Variants in AREG observed in about 807,000 individuals in gnomAD.
The protein encoded by AREG is amphiregulin.
AREG carries 16 observed loss-of-function variants against 28.0 expected under a neutral mutation model. The observed-to-expected ratio is 0.57, with a 90% CI of 0.39 to 0.87. The LOEUF is 0.87. AREG is among the 40% of genes least tolerant of loss of function. AREG has a pLI of 0.00. For synonymous variants in AREG, 113 were observed against 113.5 expected, an observed-to-expected ratio of 1.00 and a Z score of 0.02; for missense variants, 287 against 309.1, an observed-to-expected ratio of 0.93 and a Z score of 0.53.
At chr4:74,449,835 G>C (rs1719351987) in intron 3 of AREG, among the ~76,000 whole-genome samples, 1 of 151,548 alleles carries the variant, frequency 6.6e-6, no homozygotes, top group Admixed American at 6.6e-5. Context: ...CAAATGGCTG[G>C]ATTTGATCCA....
In AREG at chr4:74,454,786, C is replaced by G; in HGVS notation, c.*46C>G. On this transcript the variant is annotated 3_prime_UTR_variant, in exon 6 of 6. Transcript: ENST00000395748. ...TATCACATTGGAGTCACTGCCAAGTCATAGCCATAAATGATGAGTCGGTCC... is the reference window on the plus strand; with the variant it reads ...TATCACATTGGAGTCACTGCCAAGTGATAGCCATAAATGATGAGTCGGTCC... The G allele has an allele frequency of 1.4e-6, 1 of 699,196 alleles. No homozygotes were observed. The highest frequency in any genetic ancestry group is 1.7e-5 in the African/African-American group (1 of 57,294). 43.3% of individuals were successfully genotyped at this position (699,196 alleles called of 1,614,324 possible).
Position 74,452,638 on chromosome 4 carries a change from C to T in AREG, c.*1C>T. On this transcript the variant is annotated 3_prime_UTR_variant, in exon 5 of 6. Transcript: ENST00000395748. ...TGGAAATGTACATGCTATAGCATAA[C>T]TGAAGATAAAATTACAGGTTTGAGT... The T allele has an allele frequency of 6.2e-7, 1 of 1,612,934 alleles. No homozygotes were observed. The highest frequency in any genetic ancestry group is 8.5e-7 in the Non-Finnish European group (1 of 1,179,470).
intron 2 of AREG, among the ~76,000 whole-genome samples, chr4:74,447,724 C>G (rs1249196586): frequency 1.3e-5 from 2 of 152,176 alleles, no homozygotes; most frequent in African/African-American, 4.8e-5. Context: ...CCCCTCTTGT[C>G]TGGTTCTCAG....
chr4:74,454,539 A>G (rs1446406377), intron 5 of AREG, among the ~76,000 whole-genome samples: 11 of 152,188 alleles, frequency 7.2e-5, no homozygotes, highest in African/African-American at 2.4e-4. Context: ...CTACTGAACT[A>G]GGTGTATAAT....
In AREG at chr4:74,449,128, G is replaced by A. The variant is rs1560614342; in HGVS notation, c.392G>A (p.Gly131Asp). 1 of 1,611,850 alleles carries A rather than the reference G, an allele frequency of 6.2e-7. No homozygotes were observed. Among genetic ancestry groups the A allele is most frequent in the Non-Finnish European group, 8.5e-7 (1 of 1,179,542 alleles). ...AAACCCAAAAGAAAGAAAAAGGGAG[G>A]CAAAAATGGAAAAAATAGAAGAAAC... ...SDKPKRKKKG[G>D]KNGKNRRNRK... The change falls in exon 3 of 6, where the codon GGC becomes GAC. Residue 131 changes from glycine to aspartate, a missense_variant. Coordinates refer to ENST00000395748, the MANE Select transcript of AREG (RefSeq NM_001657.4).
chr4:74,445,491 A>C, intron 1 of AREG, 85 bp downstream of exon 1: 29 of 1,548,058 alleles, frequency 1.9e-5, no homozygotes, highest in Non-Finnish European at 2.4e-5. Context: ...TTCTCTAAAA[A>C]TCGCCCTTTA....
rs1473005536 is a variant in AREG, at chr4:74,445,282, G to A, written c.-64G>A. ...TCTTCCAACACCCGCTCGTTTTGGC[G>A]GCAGCTCGTGTCCCAGAGACCGAGT... On this transcript the variant is annotated 5_prime_UTR_variant, in exon 1 of 6. Transcript: ENST00000395748. The A allele has an allele frequency of 4.4e-6, 7 of 1,579,572 alleles. No homozygotes were observed. Among genetic ancestry groups the A allele is most frequent in the South Asian group, 1.2e-5 (1 of 86,492 alleles).
chr4:74,454,921 A>G lies in AREG; in HGVS notation c.*181A>G. ...TATATAAAGGTGCACGAAGGTAAAA[A>G]GTATTTTTTCAAGTTGTAAATAATT... is the stretch of plus-strand genomic sequence containing the variant. On this transcript the variant is annotated 3_prime_UTR_variant, in exon 6 of 6. Coordinates refer to ENST00000395748, the MANE Select transcript of AREG (RefSeq NM_001657.4). The G allele has an allele frequency of 4.5e-6, 3 of 662,898 alleles. No homozygotes were observed. The South Asian group carries it at 5.2e-5, about 11-fold the overall frequency. The allele number at this position is 662,898 out of a possible 1,614,324, so 41.1% of individuals were successfully genotyped here.
intron 4 of AREG, among the ~76,000 whole-genome samples, chr4:74,450,984 G>A (rs965485029): frequency 2.6e-5 from 4 of 152,120 alleles, no homozygotes; most frequent in Admixed American, 2.0e-4. Flanking sequence ...GTAAAGAATA[G>A]ATATGTTTTC....
chr4:74,450,592 A>G (rs1719366027), intron 4 of AREG, 60 bp downstream of exon 4: 3 of 1,598,136 alleles, frequency 1.9e-6, no homozygotes, highest in Admixed American at 3.4e-5. Flanking sequence ...TTTTTTCAGT[A>G]TTTCTCTCAT....
At chr4:74,452,745 T>C in intron 5 of AREG, 90 bp downstream of exon 5, 1 of 1,149,960 alleles carries the variant, frequency 8.7e-7, no homozygotes, top group Non-Finnish European at 1.2e-6. Context: ...TGGAATGTGT[T>C]CTTAATTATA....
chr4:74,448,518 G>A (rs1414776928), intron 2 of AREG: 1 of 153,558 alleles, frequency 6.5e-6, no homozygotes, highest in Non-Finnish European at 1.4e-5. Flanking sequence ...AGACATTAGT[G>A]TAACAAAATG....
chr4:74,446,582 G>A lies in AREG; in HGVS notation c.110G>A (p.Arg37His), dbSNP rs1719291951. ...CTCAATGACACCTACTCTGGGAAGC[G>A]TGAACCATTTTCTGGGGACCACAGT... ...LDLNDTYSGK[R>H]EPFSGDHSAD... Residue 37 changes from arginine (R) to histidine (H), a missense_variant, in exon 2 of 6, where the codon CGT becomes CAT. Transcript: ENST00000395748. The A allele has an allele frequency of 1.5e-5, 25 of 1,613,784 alleles. No individual in the cohort carries two copies. Among genetic ancestry groups the A allele is most frequent in the Non-Finnish European group, 1.9e-5 (22 of 1,179,864 alleles).
intron 2 of AREG, 192 bp from the exon 3 acceptor site, chr4:74,448,855 T>G: frequency 1.3e-6 from 1 of 781,690 alleles, no homozygotes; most frequent in Non-Finnish European, 1.9e-6. Flanking sequence ...GGACACTACT[T>G]TCAGGTAGAA....
intron 4 of AREG, 81 bp from the exon 5 acceptor site, chr4:74,452,462 AC>A: frequency 2.0e-6 from 3 of 1,528,208 alleles, no homozygotes; most frequent in Non-Finnish European, 1.8e-6. Flanking sequence ...ATGAAGTGGA[AC>A]CCCCTCTACT....
At chr4:74,450,142 A>G (rs2110412138) in intron 3 of AREG, among the ~76,000 whole-genome samples, 1 of 152,286 alleles carries the variant, frequency 6.6e-6, no homozygotes, top group Non-Finnish European at 1.5e-5. Flanking sequence ...CATAAAAGAA[A>G]CACAAAGAAT....
In AREG at chr4:74,452,833, C is replaced by T. The variant is rs1001333937; in HGVS notation, c.*18+178C>T. ...GGAATTCAATGTTGAGAATAGACTACGTGTTTAATAAGTATTATTAGGGAT... is the reference window on the plus strand; with the variant it reads ...GGAATTCAATGTTGAGAATAGACTATGTGTTTAATAAGTATTATTAGGGAT... On this transcript the variant is annotated intron_variant, in intron 5 of 5. Coordinates refer to ENST00000395748, the MANE Select transcript of AREG (RefSeq NM_001657.4). Among the ~76,000 whole-genome samples, 56 of 152,076 alleles carry T rather than the reference C, an allele frequency of 3.7e-4. No individual in the cohort carries two copies. The East Asian group carries it at 9.6e-3, about 26-fold the overall frequency.
In AREG at chr4:74,450,506, C is replaced by T. The variant is rs1719364732; in HGVS notation, c.639C>T (p.Leu213=). The T allele has an allele frequency of 3.7e-6, 6 of 1,613,946 alleles. No homozygotes were observed. The highest frequency in any genetic ancestry group is 5.1e-6 in the Non-Finnish European group (6 of 1,179,834). ...CTGCCTTTATGTCTGCTGTGATCCTCACAGCTGTTGCTGTTATTACAGTCC... is the reference window on the plus strand; with the variant it reads ...CTGCCTTTATGTCTGCTGTGATCCTTACAGCTGTTGCTGTTATTACAGTCC... The part of the protein sequence containing the change: ...AIAAFMSAVI[L]TAVAVITVQL... The change falls in exon 4 of 6, where the codon CTC becomes CTT. Residue 213 remains leucine, a synonymous_variant. Coordinates refer to ENST00000395748, the MANE Select transcript of AREG (RefSeq NM_001657.4).
intron 4 of AREG, among the ~76,000 whole-genome samples, chr4:74,452,148 G>A (rs1466863513): frequency 2.0e-5 from 3 of 152,092 alleles, no homozygotes; most frequent in Non-Finnish European, 2.9e-5. Flanking sequence ...AACTTGTTTT[G>A]TAAGCCTGTT....
Sources: gnomAD v4.1 joint callset for allele counts (sites outside exome capture counted in the v4.1 genomes callset) on GRCh38, gnomAD v4.1.1 for gene constraint, MANE v1.5 for transcripts, NCBI Gene and HGNC (gene_info 2026-07-23, HGNC 2026-07-21) for gene names.